CDH4: variants seen among roughly 807,000 people sequenced by gnomAD.
The protein encoded by CDH4 is cadherin 4, also known as cadherin-4.
In CDH4, 33 loss-of-function variants were observed where a neutral mutation model predicts 86.0. The observed-to-expected ratio is 0.38, with a 90% CI of 0.29 to 0.51. The LOEUF is 0.51. Among genes scored for constraint, CDH4 ranks in the 20% least tolerant of loss-of-function variants. The pLI is 0.86. For synonymous variants in CDH4, 555 were observed against 549.4 expected, an observed-to-expected ratio of 1.01 and a Z score of -0.14; for missense variants, 1,114 against 1,307.4, an observed-to-expected ratio of 0.85 and a Z score of 2.28.
intron 2 of CDH4, among the ~76,000 whole-genome samples, chr20:61,357,897 C>T (rs1193893335): frequency 1.3e-5 from 2 of 151,868 alleles, no homozygotes; most frequent in African/African-American, 4.8e-5. Flanking sequence ...TATTTTTTTT[C>T]CCCAGTCACC....
chr20:61,290,696 C>T (rs2084316141), intron 2 of CDH4, among the ~76,000 whole-genome samples: 1 of 152,182 alleles, frequency 6.6e-6, no homozygotes. Flanking sequence ...GAAGACAGCC[C>T]CAATTTCTGT....
chr20:61,469,021 GT>G (rs1254378207), intron 2 of CDH4, among the ~76,000 whole-genome samples: 1 of 152,160 alleles, frequency 6.6e-6, no homozygotes, highest in African/African-American at 2.4e-5. Context: ...AAGAAACATG[GT>G]AGCAAAGATG....
At chr20:61,566,671 A>C (rs1011427163) in intron 2 of CDH4, among the ~76,000 whole-genome samples, 1 of 152,038 alleles carries the variant, frequency 6.6e-6, no homozygotes, top group Non-Finnish European at 1.5e-5. Context: ...GCAGTGGTAC[A>C]TATTTACCCA....
At chr20:61,466,220 C>T (rs549937179) in intron 2 of CDH4, among the ~76,000 whole-genome samples, 2 of 152,248 alleles carry the variant, frequency 1.3e-5, no homozygotes, top group South Asian at 4.2e-4. Context: ...TTTAGATATG[C>T]CCAAGCATCA....
chr20:61,538,378 G>C (rs1259447492), intron 2 of CDH4, among the ~76,000 whole-genome samples: 2 of 152,060 alleles, frequency 1.3e-5, no homozygotes, highest in African/African-American at 4.8e-5. Flanking sequence ...CAAGTCAAGA[G>C]GTTTACTCAC....
intron 4 of CDH4, among the ~76,000 whole-genome samples, chr20:61,837,410 C>G (rs896323584): frequency 6.6e-6 from 1 of 152,188 alleles, no homozygotes; most frequent in African/African-American, 2.4e-5. Context: ...GAAACAGGAG[C>G]TGGGAACTCT....
Position 61,807,251 on chromosome 20 carries a change from A to T in CDH4, c.576+34069A>T, listed in dbSNP as rs1299272316. Among the ~76,000 whole-genome samples, 1 of 152,170 alleles carries T rather than the reference A, an allele frequency of 6.6e-6. No homozygotes were observed. The highest frequency in any genetic ancestry group is 1.5e-5 in the Non-Finnish European group (1 of 68,014). ...GGGAAGGAAGTCAGTGATGTTGTAG[A>T]GACTGGGTGTTGTCCAGTCCATGGA... is the stretch of plus-strand genomic sequence containing the variant. On this transcript the variant is annotated intron_variant, in intron 4 of 15. Coordinates refer to ENST00000614565, the MANE Select transcript of CDH4 (RefSeq NM_001794.5). This position sits in a 1 kb window ranked among gnomAD's most constrained non-coding sequence, Gnocchi z 4.5.
At chr20:61,718,923 G>C (rs867731033) in intron 2 of CDH4, 1 of 471,026 alleles carries the variant, frequency 2.1e-6, no homozygotes, top group African/African-American at 2.0e-5. Context: ...TTCCAGCCCA[G>C]GGTGTTGGTT....
chr20:61,900,814 G>A (rs1985360624), intron 8 of CDH4, among the ~76,000 whole-genome samples: 1 of 152,208 alleles, frequency 6.6e-6, no homozygotes, highest in Non-Finnish European at 1.5e-5. Context: ...GCTGACCTTG[G>A]GCAAGTTGCC....
intron 7 of CDH4, among the ~76,000 whole-genome samples, chr20:61,885,019 G>A (rs146244486): frequency 1.2e-4 from 18 of 152,218 alleles, no homozygotes; most frequent in East Asian, 9.7e-4. Context: ...TGGCCAGAAC[G>A]ACTGCCAGCC....
At chr20:61,773,328 C>G in intron 4 of CDH4, 146 bp downstream of exon 4, 1 of 783,670 alleles carries the variant, frequency 1.3e-6, no homozygotes, top group Non-Finnish European at 1.9e-6. Flanking sequence ...ATAAGCCTTA[C>G]ACAGCGCGAT....
At position 61,283,487 on chromosome 20, in the gene CDH4, T is replaced by G. The variant is rs868250809; in HGVS notation, c.169+28550T>G. Among the ~76,000 whole-genome samples the G allele has an allele frequency of 7.3e-5, 4 of 54,834 alleles. 1 individual carries two copies. The highest frequency in any genetic ancestry group is 1.0e-4 in the African/African-American group (2 of 19,164). 36.0% of individuals were successfully genotyped at this position (54,834 alleles called of 152,430 possible). A position where few individuals can be genotyped will look rare whatever the true frequency, so the allele number is the denominator to read the frequency against. ...TGCACGCGTGTGCTGTGGTGTGTGA[T>G]GTAGGTGCATTTGCACGCGTGTGCT... On this transcript the variant is annotated intron_variant, in intron 2 of 15. Transcript: ENST00000614565.
intron 3 of CDH4, among the ~76,000 whole-genome samples, chr20:61,771,421 T>C (rs1294406484): frequency 2.6e-5 from 4 of 151,816 alleles, no homozygotes; most frequent in Non-Finnish European, 2.9e-5. Context: ...GTCGGGAGTT[T>C]GAGAGCAGCC....
chr20:61,594,749 C>T (rs776628252), intron 2 of CDH4, among the ~76,000 whole-genome samples: 45 of 152,198 alleles, frequency 3.0e-4, no homozygotes, highest in Non-Finnish European at 2.5e-4. Context: ...GTCTGCAGAG[C>T]GCTGGGTCCC....
chr20:61,792,957 T>TTTTTTTG (rs1555839231), intron 4 of CDH4, among the ~76,000 whole-genome samples: 24 of 146,980 alleles, frequency 1.6e-4, no homozygotes, highest in Middle Eastern at 7.9e-3. Flanking sequence ...CCTATGTGTT[T>TTTTTTTG]TTTTTGTTTT....
intron 2 of CDH4, among the ~76,000 whole-genome samples, chr20:61,265,369 C>A (rs1462835660): frequency 6.6e-6 from 1 of 152,204 alleles, no homozygotes; most frequent in Non-Finnish European, 1.5e-5. Context: ...TTCATTCAAT[C>A]TTACACATAT....
chr20:61,504,226 C>T (rs980402294), intron 2 of CDH4, among the ~76,000 whole-genome samples: 4 of 152,188 alleles, frequency 2.6e-5, no homozygotes, highest in African/African-American at 7.2e-5. Context: ...CACACTGGGG[C>T]GCGAGCCTCT....
chr20:61,612,479 T>C (rs2086692664), intron 2 of CDH4, among the ~76,000 whole-genome samples: 1 of 152,116 alleles, frequency 6.6e-6, no homozygotes, highest in Non-Finnish European at 1.5e-5. Context: ...GTGCCTCTCA[T>C]CCCATGTTAA....
At chr20:61,456,861 G>A (rs1461518419) in intron 2 of CDH4, among the ~76,000 whole-genome samples, 1 of 152,200 alleles carries the variant, frequency 6.6e-6, no homozygotes, top group Non-Finnish European at 1.5e-5. Flanking sequence ...CAAAGCTTCT[G>A]AGAATAATAG....
Sources: allele counts gnomAD v4.1 joint callset (sites outside exome capture counted in the v4.1 genomes callset), GRCh38; gene constraint gnomAD v4.1.1; non-coding constraint Gnocchi (gnomAD v3.1); transcripts MANE v1.5; gene names NCBI Gene and HGNC (gene_info 2026-07-23, HGNC 2026-07-21).